Variants in RBM27 observed in about 807,000 individuals in gnomAD.
RBM27 encodes RNA binding motif protein 27, also known as RNA-binding protein 27.
In RBM27, 22 loss-of-function variants were observed where a neutral mutation model predicts 135.3. The ratio of observed to expected loss-of-function variants is 0.16; its 90% CI spans 0.12 to 0.23. The LOEUF is 0.23. Among genes scored for constraint, RBM27 ranks in the 10% least tolerant of loss-of-function variants. The probability of loss-of-function intolerance (pLI) is 1.00; values close to 1 mark genes in which losing one functional copy is unlikely to be tolerated. For missense variants in RBM27, 1,009 were observed against 1,281.0 expected (o/e 0.79, Z 3.24); for synonymous variants, 481 against 442.4 (o/e 1.09, Z -1.10).
chr5:146,262,560 CTTAGA>C (rs1302609087), intron 13 of RBM27, among the ~76,000 whole-genome samples: 2 of 152,160 alleles, frequency 1.3e-5, no homozygotes, highest in Non-Finnish European at 2.9e-5. Context: ...TAATCTCATG[CTTAGA>C]TTAAATACAG....
intron 8 of RBM27, 123 bp from the exon 9 acceptor site, chr5:146,251,588 G>T: frequency 1.1e-6 from 1 of 881,966 alleles, no homozygotes; most frequent in Non-Finnish European, 1.7e-6. Flanking sequence ...ACATCTTTCT[G>T]TACTTCTATT....
chr5:146,235,077 A>AAATAAAT (rs757162116), intron 7 of RBM27, among the ~76,000 whole-genome samples: 1,822 of 101,308 alleles, frequency 0.018, 28 homozygotes, highest in Admixed American at 0.062. Context: ...AATAAATAAA[A>AAATAAAT]GATGGCAAAT....
intron 14 of RBM27, among the ~76,000 whole-genome samples, chr5:146,265,325 A>G (rs963974974): frequency 4.6e-5 from 7 of 152,218 alleles, no homozygotes; most frequent in African/African-American, 1.4e-4. Flanking sequence ...TAAGTAAAAA[A>G]GCAAAATGGA....
chr5:146,251,728 C>A lies in RBM27; in HGVS notation c.1297C>A (p.Arg433Ser), dbSNP rs757129061. Reference protein sequence around the residue: ...TVSERQPMYSREHGAAASERL... With the variant: ...TVSERQPMYSSEHGAAASERL... ...CTCTATAGGACAGCCCATGTACTCT[C>A]GTGAACATGGTGCTGCTGCATCTGA... Residue 433 changes from arginine to serine, a missense_variant, in exon 9 of 21, where the codon CGT becomes AGT. Physicochemically the swap from Arg to Ser is moderately radical, Grantham distance 110. Transcript: ENST00000265271. The A allele has an allele frequency of 2.5e-6, 4 of 1,611,348 alleles. No homozygotes were observed. The East Asian group carries it at 8.9e-5, about 36-fold the overall frequency.
intron 14 of RBM27, among the ~76,000 whole-genome samples, chr5:146,267,392 T>G (rs1449849573): frequency 6.6e-6 from 1 of 152,178 alleles, no homozygotes; most frequent in Non-Finnish European, 1.5e-5. Context: ...TCTGTTATGG[T>G]CACAGGAGCA....
intron 19 of RBM27, among the ~76,000 whole-genome samples, chr5:146,277,152 A>G (rs1208490844): frequency 2.0e-5 from 3 of 152,258 alleles, no homozygotes; most frequent in Admixed American, 2.0e-4. Context: ...ATTTCTTTAC[A>G]AAGGTAGTTA....
intron 8 of RBM27, among the ~76,000 whole-genome samples, chr5:146,242,697 G>A (rs1249024702): frequency 6.6e-6 from 1 of 152,072 alleles, no homozygotes; most frequent in Non-Finnish European, 1.5e-5. Flanking sequence ...GGTTTCAATC[G>A]ATTCTTCTGC....
At chr5:146,215,842 C>T (rs932898132) in intron 1 of RBM27, among the ~76,000 whole-genome samples, 2 of 151,260 alleles carry the variant, frequency 1.3e-5, no homozygotes, top group African/African-American at 4.9e-5. Flanking sequence ...CCTCTGCCTC[C>T]CGGGTTCAAG....
intron 1 of RBM27, among the ~76,000 whole-genome samples, chr5:146,216,375 A>G (rs886347692): frequency 6.6e-6 from 1 of 152,136 alleles, no homozygotes. Flanking sequence ...TTGGTTTTTA[A>G]TTTAAAATTT....
chr5:146,231,230 C>A (rs545852795), intron 6 of RBM27, among the ~76,000 whole-genome samples: 2 of 152,196 alleles, frequency 1.3e-5, no homozygotes, highest in East Asian at 3.9e-4. Context: ...TGTATTATTT[C>A]AAGCAAGTCA....
At position 146,228,368 on chromosome 5, in the gene RBM27, G is replaced by C. The variant is rs540645746; in HGVS notation, c.304-578G>C. 2.1e-5 allele frequency among the ~76,000 whole-genome samples: 3 copies of C among 143,788 alleles called. No homozygotes were observed. The East Asian group carries it at 6.1e-4, about 29-fold the overall frequency. The allele number at this position is 143,788 out of a possible 152,430, so 94.3% of individuals were successfully genotyped here. On this transcript the variant is annotated intron_variant, in intron 3 of 20. Coordinates refer to ENST00000265271, the MANE Select transcript of RBM27 (RefSeq NM_018989.2). ...GTGATCTCGGCTCACTGCAACCTCT[G>C]CCTCCTGGGTTCAAATGATTCTCCT...
At chr5:146,217,869 C>T (rs891056705) in intron 1 of RBM27, among the ~76,000 whole-genome samples, 6 of 151,972 alleles carry the variant, frequency 3.9e-5, no homozygotes, top group Admixed American at 6.6e-5. Context: ...AGCATCCTCC[C>T]GCCTCAGCCT....
intron 19 of RBM27, among the ~76,000 whole-genome samples, chr5:146,282,421 A>G (rs957799856): frequency 6.6e-6 from 1 of 152,224 alleles, no homozygotes; most frequent in Non-Finnish European, 1.5e-5. Context: ...TCTTGGATAT[A>G]CAGTTGGCCC....
In RBM27 at chr5:146,255,067, T is replaced by C; in HGVS notation, c.1569T>C (p.Ser523=). 1.2e-6 allele frequency: 2 copies of C among 1,612,536 alleles called. No homozygotes were observed. The highest frequency in any genetic ancestry group is 1.7e-6 in the Non-Finnish European group (2 of 1,179,016). Residue 523 remains serine (S), a synonymous_variant, in exon 10 of 21, where the codon TCT becomes TCC. Coordinates refer to ENST00000265271, the MANE Select transcript of RBM27 (RefSeq NM_018989.2). ...GTCCCAATCTGATTGGCCTAACATC[T>C]GGAGATATGGATGTAAATCCAAGAG... ...TQRPNLIGLT[S]GDMDVNPRAA...
chr5:146,247,115 C>G (rs947791031), intron 8 of RBM27, among the ~76,000 whole-genome samples: 1 of 152,134 alleles, frequency 6.6e-6, no homozygotes, highest in African/African-American at 2.4e-5. Context: ...CCTCCAGCCT[C>G]AGCCTCTCAA....
At chr5:146,272,413 C>T (rs566695745) in intron 19 of RBM27, among the ~76,000 whole-genome samples, 1 of 152,202 alleles carries the variant, frequency 6.6e-6, no homozygotes, top group Admixed American at 6.5e-5. Flanking sequence ...GAAGTATTTT[C>T]AGTCCTATTA....
At chr5:146,217,855 C>T (rs1237778252) in intron 1 of RBM27, among the ~76,000 whole-genome samples, 2 of 151,876 alleles carry the variant, frequency 1.3e-5, no homozygotes, top group East Asian at 3.9e-4. Flanking sequence ...GCCTCCCAGC[C>T]TCAAGCATCC....
Position 146,261,669 on chromosome 5 carries a change from G to A in RBM27, c.2053G>A (p.Ala685Thr). The A allele has an allele frequency of 2.5e-6, 4 of 1,614,130 alleles. No individual in the cohort carries two copies. The highest frequency in any genetic ancestry group is 1.7e-6 in the Non-Finnish European group (2 of 1,180,024). ...NNEQPTLQSS[A>T]QLLLQQQQTL... ...TGAGCAACCGACACTACAGTCCTCA[G>A]CACAGCTGCTCCTGCAACAACAGCA... The change falls in exon 13 of 21, where the codon GCA (alanine) becomes ACA (threonine). Residue 685 changes from alanine (A) to threonine (T), a missense_variant. Around this residue, in one of 6 missense-constraint regions of RBM27, gnomAD observed 355 missense variants for 427.3 expected, o/e 0.83. Coordinates refer to ENST00000265271, the MANE Select transcript of RBM27 (RefSeq NM_018989.2).
At chr5:146,250,575 A>G (rs1757840504) in intron 8 of RBM27, among the ~76,000 whole-genome samples, 1 of 152,088 alleles carries the variant, frequency 6.6e-6, no homozygotes, top group Non-Finnish European at 1.5e-5. Context: ...TGGACACCCA[A>G]AGGGATTTTG....
Sources: gnomAD v4.1 joint callset for allele counts (sites outside exome capture counted in the v4.1 genomes callset) on GRCh38, gnomAD v4.1.1 for gene constraint, gnomAD v4.1.1 regional missense constraint, MANE v1.5 for transcripts, NCBI Gene and HGNC (gene_info 2026-07-23, HGNC 2026-07-21) for gene names.